The following MYL1 variants were observed in gnomAD, a reference collection of about 807,000 sequenced individuals.
The protein encoded by MYL1 is myosin light chain 1/3, skeletal muscle isoform.
MYL1 carries 16 observed loss-of-function variants against 21.8 expected under a neutral mutation model. The observed-to-expected ratio is 0.74, with a 90% CI of 0.50 to 1.12. MYL1 has a LOEUF of 1.12. MYL1 is among the 50% of genes most tolerant of loss of function. The pLI is 0.00. For missense variants in MYL1, 246 were observed against 241.0 expected, an observed-to-expected ratio of 1.02 and a Z score of -0.14; for synonymous variants, 99 against 85.2, an observed-to-expected ratio of 1.16 and a Z score of -0.89.
intron 1 of MYL1, among the ~76,000 whole-genome samples, chr2:210,309,839 C>A (rs1436851795): frequency 6.6e-6 from 1 of 152,026 alleles, no homozygotes; most frequent in Non-Finnish European, 1.5e-5. Context: ...CTTTGTCTTG[C>A]AAATATTTAG....
chr2:210,310,453 T>C (rs1423025333), intron 1 of MYL1, among the ~76,000 whole-genome samples: 2 of 152,072 alleles, frequency 1.3e-5, no homozygotes, highest in African/African-American at 2.4e-5. Flanking sequence ...ATTAGCCTGA[T>C]AGCAAAAATT....
intron 2 of MYL1, among the ~76,000 whole-genome samples, chr2:210,300,967 G>T (rs1690256286): frequency 6.6e-6 from 1 of 152,046 alleles, no homozygotes; most frequent in African/African-American, 2.4e-5. Context: ...CTGCCACAAA[G>T]AAAACAGTAT....
chr2:210,305,694 G>C (rs775683260), intron 1 of MYL1, among the ~76,000 whole-genome samples: 4 of 152,084 alleles, frequency 2.6e-5, no homozygotes, highest in African/African-American at 9.6e-5. Flanking sequence ...AGGTAAAAAA[G>C]TGTCCTTGCC....
At chr2:210,314,117 T>C (rs976424359) in intron 1 of MYL1, among the ~76,000 whole-genome samples, 6 of 152,134 alleles carry the variant, frequency 3.9e-5, no homozygotes, top group African/African-American at 1.4e-4. Context: ...ATTGAGAACT[T>C]TGATCACAGC....
intron 1 of MYL1, chr2:210,302,898 A>G (rs1690286409): frequency 1.3e-5 from 16 of 1,240,080 alleles, no homozygotes; most frequent in Non-Finnish European, 1.8e-5. Flanking sequence ...GAAGCTATGT[A>G]GGTGTCTTGG....
intron 1 of MYL1, 172 bp from the exon 2 acceptor site, chr2:210,302,687 C>T: frequency 6.6e-7 from 1 of 1,525,324 alleles, no homozygotes; most frequent in East Asian, 2.4e-5. Flanking sequence ...CATAGTGTAA[C>T]ATGCCTTGAA....
chr2:210,307,865 C>T (rs752238292), intron 1 of MYL1, among the ~76,000 whole-genome samples: 32 of 152,212 alleles, frequency 2.1e-4, no homozygotes, highest in Non-Finnish European at 4.1e-4. Flanking sequence ...TTTGCCATTA[C>T]TTTTGTACCA....
chr2:210,305,693 AG>A (rs1161503959), intron 1 of MYL1, among the ~76,000 whole-genome samples: 7 of 152,316 alleles, frequency 4.6e-5, no homozygotes, highest in African/African-American at 1.7e-4. Context: ...CAGGTAAAAA[AG>A]TGTCCTTGCC....
rs142821726 is a variant in MYL1 at position 210,315,005 on chromosome 2, G to T, written c.38C>A (p.Ala13Glu). ...PKKDVKKPVA[A>E]AAAAPAPAPA... ...TGCCGGGGCTGGGGCAGCCGCAGCC[G>T]CAGCCACAGGTTTCTTCACGTCTTT... The change falls in exon 1 of 7, where the codon GCG (alanine) becomes GAG (glutamate). Residue 13 changes from alanine (A) to glutamate (E), a missense_variant. By Grantham distance (107) the Ala-to-Glu change is moderately radical. Coordinates refer to ENST00000352451, the MANE Select transcript of MYL1 (RefSeq NM_079420.3). The T allele has an allele frequency of 1.9e-6, 3 of 1,605,708 alleles. No individual in the cohort carries two copies. The highest frequency in any genetic ancestry group is 1.7e-4 in the Middle Eastern group (1 of 5,924).
intron 3 of MYL1, among the ~76,000 whole-genome samples, chr2:210,296,159 G>A (rs13025911): frequency 0.12 from 18,143 of 151,974 alleles, 1,317 homozygotes; most frequent in African/African-American, 0.2. Flanking sequence ...AATTATTTTC[G>A]ATTGACACAT....
intron 1 of MYL1, among the ~76,000 whole-genome samples, chr2:210,308,423 TATATATATATATATATA>T (rs1690371760): frequency 7.3e-6 from 1 of 137,136 alleles, no homozygotes; most frequent in Non-Finnish European, 1.6e-5. Flanking sequence ...TATATATATA[TATATATATATATATATA>T]TTCTAGTCAC....
chr2:210,292,846 A>T (rs12479426), intron 5 of MYL1, among the ~76,000 whole-genome samples: 2,520 of 152,312 alleles, frequency 0.017, 210 homozygotes, highest in Admixed American at 0.14. Flanking sequence ...ACTTGTTCAA[A>T]CAGTATTTAT....
In MYL1 at chr2:210,314,893, G is replaced by A. The variant is rs1690468071; in HGVS notation, c.132+18C>T. 3 of 1,613,600 alleles carry A rather than the reference G, an allele frequency of 1.9e-6. No individual in the cohort carries two copies. The highest frequency in any genetic ancestry group is 1.3e-5 in the African/African-American group (1 of 74,992). On this transcript the variant is annotated intron_variant, in intron 1 of 6. Transcript: ENST00000352451. The stretch of plus-strand genomic sequence containing the variant: ...TGAAAGATGTTTCAGTGACCAAACA[G>A]TTCATCCATTTAGTTACCTTAATGG...
chr2:210,301,939 G>T (rs75926469), intron 2 of MYL1, among the ~76,000 whole-genome samples: 2,126 of 152,196 alleles, frequency 0.014, 24 homozygotes, highest in Non-Finnish European at 0.021. Flanking sequence ...ATATCTCAGG[G>T]AGGGGTTAAA....
At chr2:210,310,143 A>G (rs1194233047) in intron 1 of MYL1, among the ~76,000 whole-genome samples, 1 of 152,126 alleles carries the variant, frequency 6.6e-6, no homozygotes, top group Non-Finnish European at 1.5e-5. Context: ...GGCTAACATT[A>G]CAGTTGTATT....
At position 210,315,088 on chromosome 2, in the gene MYL1, A is replaced by G. The variant is rs2125746083; in HGVS notation, c.-46T>C. 6.3e-7 allele frequency: 1 copy of G among 1,583,502 alleles called. No individual in the cohort carries two copies. Among genetic ancestry groups the G allele is most frequent in the African/African-American group, 1.4e-5 (1 of 72,588 alleles). ...GTTAAAAAGAGAAGGAGTTCCTCCA[A>G]AAGAACCTGTCAAAATGATTCTTGG... On this transcript the variant is annotated 5_prime_UTR_variant, in exon 1 of 7. Coordinates refer to ENST00000352451, the MANE Select transcript of MYL1 (RefSeq NM_079420.3).
chr2:210,301,264 A>G (rs1690262097), intron 2 of MYL1, among the ~76,000 whole-genome samples: 1 of 152,150 alleles, frequency 6.6e-6, no homozygotes. Flanking sequence ...CCTTCATAGT[A>G]TAATTTCAAA....
At position 210,314,521 on chromosome 2, in the gene MYL1, G is replaced by A. The variant is rs535531743; in HGVS notation, c.132+390C>T. ...TCTGGAAATAAGTAGGGGCTAAAAC[G>A]TTCCTTTTGATGTAATTTGTAAGTA... On this transcript the variant is annotated intron_variant, in intron 1 of 6. Transcript: ENST00000352451. Among the ~76,000 whole-genome samples, 25 of 152,288 alleles carry A rather than the reference G, an allele frequency of 1.6e-4. No individual in the cohort carries two copies. In the East Asian group the frequency reaches 3.5e-3, roughly 21 times the overall value.
intron 5 of MYL1, among the ~76,000 whole-genome samples, chr2:210,292,557 A>T (rs1559658663): frequency 1.4e-5 from 2 of 146,560 alleles, no homozygotes; most frequent in Non-Finnish European, 1.5e-5. Context: ...TATTAATTGA[A>T]TTTTTTTTTT....
Sources: gnomAD v4.1 joint callset for allele counts (sites outside exome capture counted in the v4.1 genomes callset) on GRCh38, gnomAD v4.1.1 for gene constraint, MANE v1.5 for transcripts, NCBI Gene and HGNC (gene_info 2026-07-23, HGNC 2026-07-21) for gene names.